Variants in FHIT observed in about 807,000 individuals in gnomAD.
FHIT encodes fragile histidine triad diadenosine triphosphatase.
In FHIT, 19 loss-of-function variants were observed where a neutral mutation model predicts 17.9. The observed-to-expected ratio is 1.06, with a 90% CI of 0.74 to 1.56. FHIT has a LOEUF of 1.56. Ranked by LOEUF, FHIT falls within the 40% of genes most tolerant of loss-of-function variation. The pLI, the probability that FHIT is intolerant of heterozygous loss-of-function variation, is 0.00. For synonymous variants in FHIT, 81 were observed against 69.7 expected (o/e 1.16, Z -0.81); for missense variants, 248 against 189.2 (o/e 1.31, Z -1.82).
At chr3:60,145,310 C>G (rs899257803) in intron 5 of FHIT, among the ~76,000 whole-genome samples, 2 of 152,186 alleles carry the variant, frequency 1.3e-5, no homozygotes, top group Non-Finnish European at 2.9e-5. Context: ...ATTCTGCAGT[C>G]ACATTATATG....
At chr3:59,774,267 A>T (rs1702204272) in intron 8 of FHIT, among the ~76,000 whole-genome samples, 1 of 152,250 alleles carries the variant, frequency 6.6e-6, no homozygotes, top group South Asian at 2.1e-4. Flanking sequence ...GGGCTACAGC[A>T]GCAGAGCTAA....
chr3:59,913,560 TTTGA>T (rs1416736912), intron 8 of FHIT, among the ~76,000 whole-genome samples: 2 of 152,148 alleles, frequency 1.3e-5, no homozygotes, highest in Non-Finnish European at 2.9e-5. Context: ...ACAGTAATAA[TTTGA>T]TTATTATTCT....
intron 5 of FHIT, among the ~76,000 whole-genome samples, chr3:60,024,122 A>G (rs1451594887): frequency 6.6e-6 from 1 of 152,234 alleles, no homozygotes; most frequent in East Asian, 1.9e-4. Context: ...GGAAAACTTC[A>G]GAACTATTAA....
chr3:60,170,444 C>T (rs1417781412), intron 5 of FHIT, among the ~76,000 whole-genome samples: 3 of 152,164 alleles, frequency 2.0e-5, no homozygotes, highest in Admixed American at 6.6e-5. Context: ...TCACTTGCAA[C>T]TGATAATCCA....
chr3:61,211,530 T>A (rs9875827), intron 1 of FHIT, among the ~76,000 whole-genome samples: 6 of 151,972 alleles, frequency 3.9e-5, no homozygotes, highest in African/African-American at 1.5e-4. Flanking sequence ...GCCCACCACA[T>A]CTCAAGGAGG....
intron 5 of FHIT, among the ~76,000 whole-genome samples, chr3:60,183,447 T>G (rs1702029161): frequency 1.3e-5 from 2 of 152,068 alleles, no homozygotes; most frequent in African/African-American, 4.8e-5. Context: ...AGTGGTATGA[T>G]GGAGGATTGT....
At chr3:60,689,293 T>A (rs1023585856) in intron 4 of FHIT, among the ~76,000 whole-genome samples, 1 of 152,078 alleles carries the variant, frequency 6.6e-6, no homozygotes, top group Non-Finnish European at 1.5e-5. Flanking sequence ...TATGTCTTTA[T>A]CAGCAGCAGT....
At chr3:61,063,263 A>T (rs534247295) in intron 2 of FHIT, among the ~76,000 whole-genome samples, 1 of 151,474 alleles carries the variant, frequency 6.6e-6, no homozygotes, top group African/African-American at 2.4e-5. Flanking sequence ...CTCAAAAAAA[A>T]AAAAGATTAG....
At chr3:59,903,395 A>C (rs182183135) in intron 8 of FHIT, among the ~76,000 whole-genome samples, 1 of 152,318 alleles carries the variant, frequency 6.6e-6, no homozygotes, top group Non-Finnish European at 1.5e-5. Context: ...ACCTGAAATC[A>C]CTGAATTGTA....
intron 5 of FHIT, among the ~76,000 whole-genome samples, chr3:60,192,122 G>A (rs28579930): frequency 0.044 from 6,625 of 151,812 alleles, 211 homozygotes; most frequent in South Asian, 0.11. Context: ...ATGGTGGTGG[G>A]TGCCTGTAAT....
At chr3:60,881,147 T>A (rs1172709982) in intron 3 of FHIT, among the ~76,000 whole-genome samples, 2 of 152,218 alleles carry the variant, frequency 1.3e-5, no homozygotes, top group Non-Finnish European at 2.9e-5. Flanking sequence ...GGAGTAGCTT[T>A]ACTTGTATCA....
In FHIT at chr3:61,200,598, A is replaced by T. The variant is rs1435958075; in HGVS notation, c.-164+19T>A. On this transcript the variant is annotated intron_variant, in intron 2 of 9. Transcript: ENST00000492590. ...TGTAAAGGCAATGTTTGTCAAGGCC[A>T]TGTAATAAATACACTTACCTTTACA... The T allele has an allele frequency of 1.3e-5, 2 of 152,670 alleles. No individual in the cohort carries two copies. Among genetic ancestry groups the T allele is most frequent in the Non-Finnish European group, 2.9e-5 (2 of 68,052 alleles). The allele number at this position is 152,670 out of a possible 1,614,324, so 9.5% of individuals were successfully genotyped here.
In FHIT at chr3:60,590,956, G is replaced by GA. The variant is rs1398187013; in HGVS notation, c.-17-53978dup. Reference sequence around the variant, plus strand: ...TTCCAAGAAGGATTCATCCAGGGGGGAAAAATGGACAGAATTAGGGAAATA... The same window carrying GA: ...TTCCAAGAAGGATTCATCCAGGGGGGAAAAAATGGACAGAATTAGGGAAATA... On this transcript the variant is annotated intron_variant, in intron 4 of 9. Coordinates refer to ENST00000492590, the MANE Select transcript of FHIT (RefSeq NM_002012.4). Among the ~76,000 whole-genome samples, 48 of 151,982 alleles carry GA rather than the reference G, an allele frequency of 3.2e-4. 1 individual carries two copies. The highest frequency in any genetic ancestry group is 7.9e-4 in the Admixed American group (12 of 15,248).
intron 5 of FHIT, among the ~76,000 whole-genome samples, chr3:60,120,179 A>T (rs549484892): frequency 6.6e-6 from 1 of 152,224 alleles, no homozygotes; most frequent in Non-Finnish European, 1.5e-5. Flanking sequence ...CACAATGAGC[A>T]TGTAGTCTTG....
chr3:60,490,933 G>C (rs2034037067), intron 5 of FHIT, among the ~76,000 whole-genome samples: 1 of 152,144 alleles, frequency 6.6e-6, no homozygotes, highest in Non-Finnish European at 1.5e-5. Context: ...TCGATGCTTT[G>C]ACCTTTGTGC....
chr3:60,520,798 C>T (rs1207004183), intron 5 of FHIT, among the ~76,000 whole-genome samples: 1 of 152,040 alleles, frequency 6.6e-6, no homozygotes, highest in Non-Finnish European at 1.5e-5. Context: ...ATCTAAACCC[C>T]CTGAGGGTTT....
intron 4 of FHIT, among the ~76,000 whole-genome samples, chr3:60,637,847 G>T (rs369514938): frequency 1.3e-5 from 2 of 152,232 alleles, no homozygotes; most frequent in East Asian, 3.9e-4. Flanking sequence ...TCTTTTCACG[G>T]AAAGGGACCA....
chr3:60,498,063 AG>A (rs1251758322), intron 5 of FHIT, among the ~76,000 whole-genome samples: 2 of 152,252 alleles, frequency 1.3e-5, no homozygotes, highest in African/African-American at 4.8e-5. Context: ...GGATACATAA[AG>A]GAACAAATGT....
intron 4 of FHIT, among the ~76,000 whole-genome samples, chr3:60,722,208 T>C (rs1422559863): frequency 1.3e-5 from 2 of 152,182 alleles, no homozygotes; most frequent in East Asian, 3.9e-4. Context: ...GCGACAGAAC[T>C]GAAACCCTAA....
Sources: gnomAD v4.1 joint callset for allele counts (sites outside exome capture counted in the v4.1 genomes callset) on GRCh38, gnomAD v4.1.1 for gene constraint, MANE v1.5 for transcripts, NCBI Gene and HGNC (gene_info 2026-07-23, HGNC 2026-07-21) for gene names.